PLEKHG4B: variants seen among roughly 807,000 people sequenced by gnomAD.
The protein encoded by PLEKHG4B is pleckstrin homology domain-containing family G member 4B.
In PLEKHG4B, 111 loss-of-function variants were observed where a neutral mutation model predicts 121.3. The observed-to-expected ratio is 0.92, with a 90% confidence interval of 0.78 to 1.07. PLEKHG4B has a LOEUF of 1.07. Among genes scored for constraint, PLEKHG4B ranks in the 50% least tolerant of loss-of-function variants. The pLI, the probability that PLEKHG4B is intolerant of heterozygous loss-of-function variation, is 0.00. For synonymous variants in PLEKHG4B, 738 were observed against 725.0 expected (o/e 1.02, Z -0.29); for missense variants, 1,831 against 1,757.8 (o/e 1.04, Z -0.74).
intron 1 of PLEKHG4B, among the ~76,000 whole-genome samples, chr5:109,351 C>CACACCACT (rs1342463726): frequency 6.2e-5 from 9 of 144,366 alleles, no homozygotes; most frequent in Admixed American, 2.1e-4. Context: ...GAGCCTAGAT[C>CACACCACT]ACACCACTGC....
rs1733716630 is a variant in PLEKHG4B at position 189,134 on chromosome 5, A to C, written c.*6811A>C. The stretch of plus-strand genomic sequence containing the variant: ...TCGCCCATAATGGGCCCTGCCCCCT[A>C]GGCCTGGCCTCTTTTGCTTTCCTCC... On this transcript the variant is annotated 3_prime_UTR_variant, in exon 20 of 20. Transcript: ENST00000637938. The C allele has an allele frequency of 6.6e-6, 1 of 152,368 alleles. No homozygotes were observed. Among genetic ancestry groups the C allele is most frequent in the African/African-American group, 2.4e-5 (1 of 41,460 alleles). The allele number at this position is 152,368 out of a possible 1,614,324, so 9.4% of individuals were successfully genotyped here. A position where few individuals can be genotyped will look rare whatever the true frequency, so the allele number is the denominator to read the frequency against.
chr5:176,505 T>C (rs1215225376), intron 18 of PLEKHG4B, among the ~76,000 whole-genome samples: 2 of 152,218 alleles, frequency 1.3e-5, no homozygotes, highest in African/African-American at 2.4e-5. Context: ...GGGTCCGTGC[T>C]CGCAAGTGGG....
rs935388459 is a variant in PLEKHG4B, at chr5:173,982, G to A, written c.4286G>A (p.Arg1429His). The A allele has an allele frequency of 6.8e-6, 11 of 1,612,378 alleles. No homozygotes were observed. Among genetic ancestry groups the A allele is most frequent in the Admixed American group, 3.3e-5 (2 of 59,770 alleles). Residue 1429 changes from arginine to histidine, a missense_variant, in exon 18 of 20, where the codon CGC becomes CAC. Coordinates refer to ENST00000637938, the MANE Select transcript of PLEKHG4B (RefSeq NM_052909.5). ...GGCTTGAGGTTTGAGATTTGGTTTC[G>A]CAGGCGGCGGAAATCTCAGGACACC... is the stretch of plus-strand genomic sequence containing the variant. ...DSGLRFEIWF[R>H]RRRKSQDTYI...
At chr5:155,046 A>C in intron 8 of PLEKHG4B, 55 bp downstream of exon 8, 2 of 1,437,168 alleles carry the variant, frequency 1.4e-6, no homozygotes, top group Non-Finnish European at 1.9e-6. Context: ...ACTTTCTGTT[A>C]TGTGGTTGTT....
intron 1 of PLEKHG4B, among the ~76,000 whole-genome samples, chr5:109,772 A>G (rs1734082991): frequency 6.6e-6 from 1 of 152,234 alleles, no homozygotes; most frequent in Non-Finnish European, 1.5e-5. Context: ...CTCTACCGCC[A>G]CCGCCCCATT....
chr5:145,417 A>T (rs750035138), intron 6 of PLEKHG4B, among the ~76,000 whole-genome samples: 2 of 152,324 alleles, frequency 1.3e-5, no homozygotes, highest in African/African-American at 4.8e-5. Context: ...GACAGGGTCA[A>T]TGCCATTGCC....
intron 1 of PLEKHG4B, among the ~76,000 whole-genome samples, chr5:102,186 C>T (rs920601497): frequency 3.9e-4 from 60 of 152,088 alleles, no homozygotes; most frequent in African/African-American, 1.2e-3. Context: ...CCATATAAAT[C>T]CCTGGAAGAA....
chr5:100,329 G>A (rs1733767432), intron 1 of PLEKHG4B, among the ~76,000 whole-genome samples: 1 of 151,922 alleles, frequency 6.6e-6, no homozygotes, highest in African/African-American at 2.4e-5. Flanking sequence ...TCAAAATGTA[G>A]GTAACTGGAA....
In PLEKHG4B at chr5:171,096, T is replaced by C. The variant is rs1171875339; in HGVS notation, c.3783T>C (p.Asp1261=). 2.5e-6 allele frequency: 4 copies of C among 1,613,514 alleles called. No homozygotes were observed. The highest frequency in any genetic ancestry group is 3.4e-6 in the Non-Finnish European group (4 of 1,179,882). ...ACAGCAAAAACAAGCCGCAGTCGGA[T>C]GCCCTGCTCAGCAGCCATGGCAACG... ...VIYSKNKPQS[D]ALLSSHGNAF... is the part of the protein sequence containing the mutation. The change falls in exon 15 of 20, where the codon GAT becomes GAC. Residue 1261 remains aspartate (D), a synonymous_variant. Coordinates refer to ENST00000637938, the MANE Select transcript of PLEKHG4B (RefSeq NM_052909.5).
intron 2 of PLEKHG4B, among the ~76,000 whole-genome samples, chr5:125,005 C>T (rs915341804): frequency 7.9e-5 from 12 of 152,026 alleles, no homozygotes; most frequent in African/African-American, 1.7e-4. Context: ...TGGAGGCGTG[C>T]GACTGTAATC....
Position 139,765 on chromosome 5 carries a change from C to T in PLEKHG4B, c.526C>T (p.Leu176=), listed in dbSNP as rs1446185753. The change falls in exon 3 of 20, where the codon CTG becomes TTG. Residue 176 remains leucine (L), a synonymous_variant. Coordinates refer to ENST00000637938, the MANE Select transcript of PLEKHG4B (RefSeq NM_052909.5). The surrounding 1 kb of genome is among the most constrained non-coding windows in gnomAD (Gnocchi z 5.0). ...WVNRERRHVP[L]QTCLLTSGLA... is the part of the protein sequence containing the mutation. ...GAACCGGGAGCGGCGCCATGTCCCC[C>T]TGCAAACCTGCTTGCTGACCTCAGG... The T allele has an allele frequency of 5.0e-6, 2 of 399,166 alleles. No individual in the cohort carries two copies. The highest frequency in any genetic ancestry group is 8.8e-6 in the Non-Finnish European group (2 of 226,370). The allele number at this position is 399,166 out of a possible 1,614,324, so 24.7% of individuals were successfully genotyped here.
At chr5:146,858 C>G (rs1735437660) in intron 6 of PLEKHG4B, among the ~76,000 whole-genome samples, 2 of 151,630 alleles carry the variant, frequency 1.3e-5, no homozygotes, top group South Asian at 4.2e-4. Context: ...TCTTGTCCCC[C>G]TCCTCACTGT....
At chr5:111,529 C>T (rs764223057) in intron 1 of PLEKHG4B, among the ~76,000 whole-genome samples, 17 of 152,200 alleles carry the variant, frequency 1.1e-4, no homozygotes, top group Non-Finnish European at 2.2e-4. Context: ...GGGCTGCTGA[C>T]CACATCTGGA....
At position 169,552 on chromosome 5, in the gene PLEKHG4B, A is replaced by T; in HGVS notation, c.3689A>T (p.Gln1230Leu). Residue 1230 changes from glutamine (Q) to leucine (L), a missense_variant, in exon 14 of 20, where the codon CAG (glutamine) becomes CTG (leucine). Transcript: ENST00000637938. The stretch of plus-strand genomic sequence containing the variant: ...TTCCTCCGGGAGCTGGAGCGCTGCC[A>T]GCACTGCCCCTTGGCCGTGGGCCGC... ...QHFLRELERCQHCPLAVGRSF... is the reference protein window; with the variant it reads ...QHFLRELERCLHCPLAVGRSF... 6.2e-7 allele frequency: 1 copy of T among 1,613,880 alleles called. No individual in the cohort carries two copies. The highest frequency in any genetic ancestry group is 1.1e-5 in the South Asian group (1 of 91,092).
chr5:102,859 C>T (rs576974608), intron 1 of PLEKHG4B, among the ~76,000 whole-genome samples: 5 of 152,330 alleles, frequency 3.3e-5, no homozygotes, highest in Non-Finnish European at 2.9e-5. Flanking sequence ...CCTGCCTGGG[C>T]GACATCTGTG....
intron 18 of PLEKHG4B, among the ~76,000 whole-genome samples, chr5:180,210 T>C (rs2059860): frequency 6.6e-6 from 1 of 151,934 alleles, no homozygotes; most frequent in Non-Finnish European, 1.5e-5. Flanking sequence ...TTATTTTTGT[T>C]GGAAGAGCAG....
intron 18 of PLEKHG4B, 87 bp from the exon 19 acceptor site, chr5:181,427 C>A (rs1434933651): frequency 4.3e-6 from 6 of 1,405,994 alleles, no homozygotes; most frequent in Non-Finnish European, 5.9e-6. Flanking sequence ...CTGGTTTGGG[C>A]TGAGGGCATT....
At chr5:175,005 C>T (rs1232687175) in intron 18 of PLEKHG4B, among the ~76,000 whole-genome samples, 8 of 152,120 alleles carry the variant, frequency 5.3e-5, no homozygotes, top group Admixed American at 6.5e-5. Flanking sequence ...GGGGGCTCCT[C>T]GGTCAGCACT....
intron 7 of PLEKHG4B, among the ~76,000 whole-genome samples, chr5:151,813 T>C (rs1735614288): frequency 6.6e-6 from 1 of 152,234 alleles, no homozygotes; most frequent in African/African-American, 2.4e-5. Flanking sequence ...CCACCTCATA[T>C]GGTTTCTTTC....
Sources: gnomAD v4.1 joint callset for allele counts (sites outside exome capture counted in the v4.1 genomes callset) on GRCh38, gnomAD v4.1.1 for gene constraint, Gnocchi (gnomAD v3.1) non-coding constraint, MANE v1.5 for transcripts, NCBI Gene and HGNC (gene_info 2026-07-23, HGNC 2026-07-21) for gene names.